CTNNA3: variants seen among roughly 807,000 people sequenced by gnomAD.
CTNNA3 encodes the protein catenin alpha-3.
CTNNA3 carries 76 observed loss-of-function variants against 95.7 expected under a neutral mutation model. That is an observed-to-expected ratio of 0.79 (90% CI 0.66 to 0.96). The LOEUF (loss-of-function observed/expected upper bound fraction) is 0.96. Ranked by LOEUF, CTNNA3 falls within the 40% of genes least tolerant of loss-of-function variation. The probability of loss-of-function intolerance (pLI) is 0.00; values close to 1 mark genes in which losing one functional copy is unlikely to be tolerated. For synonymous variants in CTNNA3, 431 were observed against 374.4 expected, an observed-to-expected ratio of 1.15 and a Z score of -1.74; for missense variants, 1,191 against 1,089.8, an observed-to-expected ratio of 1.09 and a Z score of -1.31.
chr10:66,954,026 A>G (rs1848671313), intron 7 of CTNNA3, among the ~76,000 whole-genome samples: 1 of 152,206 alleles, frequency 6.6e-6, no homozygotes, highest in South Asian at 2.1e-4. Context: ...AGTGCTCGCA[A>G]ATACTAGCTG....
intron 9 of CTNNA3, among the ~76,000 whole-genome samples, chr10:66,662,106 C>A (rs947336009): frequency 6.6e-6 from 1 of 152,130 alleles, no homozygotes; most frequent in Non-Finnish European, 1.5e-5. Flanking sequence ...TGCTTAAAAA[C>A]GAATTGTTGT....
At chr10:67,036,429 G>C (rs954021930) in intron 7 of CTNNA3, among the ~76,000 whole-genome samples, 4 of 152,142 alleles carry the variant, frequency 2.6e-5, no homozygotes, top group Admixed American at 2.0e-4. Context: ...ACTTTGGAAG[G>C]CTGAGGCGGG....
At chr10:67,166,291 A>G (rs1195175533) in intron 7 of CTNNA3, among the ~76,000 whole-genome samples, 1 of 152,238 alleles carries the variant, frequency 6.6e-6, no homozygotes, top group Non-Finnish European at 1.5e-5. Context: ...TCATTATAAC[A>G]TAAATGCACT....
At chr10:65,977,348 G>A (rs1388900475) in intron 16 of CTNNA3, among the ~76,000 whole-genome samples, 1 of 152,040 alleles carries the variant, frequency 6.6e-6, no homozygotes, top group Non-Finnish European at 1.5e-5. Flanking sequence ...TAGTAATGAG[G>A]AAAAATGTAA....
chr10:66,767,905 T>C (rs1172463166), intron 8 of CTNNA3, among the ~76,000 whole-genome samples: 1 of 152,238 alleles, frequency 6.6e-6, no homozygotes, highest in Non-Finnish European at 1.5e-5. Context: ...AGGATTCTGC[T>C]TAGTATGCAG....
At chr10:67,068,389 G>A (rs980392266) in intron 7 of CTNNA3, among the ~76,000 whole-genome samples, 5 of 152,188 alleles carry the variant, frequency 3.3e-5, no homozygotes, top group Non-Finnish European at 5.9e-5. Flanking sequence ...CATGTGTTAC[G>A]TTGGGGGACA....
At chr10:66,588,937 C>T (rs968646717) in intron 10 of CTNNA3, among the ~76,000 whole-genome samples, 2 of 133,400 alleles carry the variant, frequency 1.5e-5, no homozygotes, top group Non-Finnish European at 3.1e-5. Flanking sequence ...AAGCCAACAT[C>T]AGTTAAAGTG....
Position 65,914,926 on chromosome 10 carries a change from T to G in CTNNA3, c.*5404A>C, listed in dbSNP as rs2076987792. 1 of 152,198 alleles carries G rather than the reference T, an allele frequency of 6.6e-6. No homozygotes were observed. The highest frequency in any genetic ancestry group is 1.5e-5 in the Non-Finnish European group (1 of 68,042). The allele number at this position is 152,198 out of a possible 1,614,324, so 9.4% of individuals were successfully genotyped here. On this transcript the variant is annotated 3_prime_UTR_variant, in exon 18 of 18. Transcript: ENST00000433211. ...TAATATTTTAAAGCCAGTGAGACTT[T>G]GAGCAAGATTCTTATCCCATTTAAC...
At chr10:66,800,767 C>T (rs1841398615) in intron 7 of CTNNA3, among the ~76,000 whole-genome samples, 1 of 151,042 alleles carries the variant, frequency 6.6e-6, no homozygotes, top group Non-Finnish European at 1.5e-5. Flanking sequence ...AACTTTAATC[C>T]TACGTAGATT....
chr10:66,396,920 T>C (rs1006167342), intron 11 of CTNNA3, among the ~76,000 whole-genome samples: 1 of 151,822 alleles, frequency 6.6e-6, no homozygotes, highest in East Asian at 1.9e-4. Context: ...TAATAGAATA[T>C]AACAAACCAA....
At chr10:66,518,022 A>T (rs942678842) in intron 11 of CTNNA3, among the ~76,000 whole-genome samples, 3 of 152,110 alleles carry the variant, frequency 2.0e-5, no homozygotes, top group Non-Finnish European at 4.4e-5. Flanking sequence ...AACTGCTCCT[A>T]CCCAAGTCCT....
intron 11 of CTNNA3, among the ~76,000 whole-genome samples, chr10:66,493,903 C>CAAACTACTGTA (rs1840014125): frequency 1.0e-5 from 1 of 98,130 alleles, no homozygotes; most frequent in Admixed American, 1.0e-4. Context: ...CTGCGCCGGC[C>CAAACTACTGTA]TTTTTTTTTT....
At chr10:67,260,851 A>AT (rs1255858530) in intron 5 of CTNNA3, among the ~76,000 whole-genome samples, 1 of 151,750 alleles carries the variant, frequency 6.6e-6, no homozygotes, top group Admixed American at 6.6e-5. Flanking sequence ...CACCCGGCTA[A>AT]TTTTTTTATT....
intron 6 of CTNNA3, among the ~76,000 whole-genome samples, chr10:67,195,868 T>C (rs1239653191): frequency 6.6e-6 from 1 of 152,104 alleles, no homozygotes; most frequent in African/African-American, 2.4e-5. Flanking sequence ...ACATACTCTA[T>C]ATTCTCTGAT....
chr10:67,116,449 C>T (rs1425742456), intron 7 of CTNNA3, among the ~76,000 whole-genome samples: 1 of 151,746 alleles, frequency 6.6e-6, no homozygotes, highest in African/African-American at 2.4e-5. Context: ...AGGTAGGGAG[C>T]CTGGGAACCA....
intron 13 of CTNNA3, among the ~76,000 whole-genome samples, chr10:66,114,069 T>C (rs935068028): frequency 3.9e-5 from 6 of 152,168 alleles, no homozygotes; most frequent in African/African-American, 1.4e-4. Flanking sequence ...TATGTCTGAA[T>C]GTCGGATCAA....
intron 7 of CTNNA3, among the ~76,000 whole-genome samples, chr10:66,938,881 C>G (rs1589453769): frequency 6.6e-6 from 1 of 152,116 alleles, no homozygotes; most frequent in South Asian, 2.1e-4. Flanking sequence ...TTTGTAGAGG[C>G]TAGGTAGTCA....
intron 13 of CTNNA3, among the ~76,000 whole-genome samples, chr10:66,272,672 G>C (rs1336715079): frequency 1.3e-5 from 2 of 152,028 alleles, no homozygotes; most frequent in African/African-American, 4.8e-5. Context: ...ATCCAGTACT[G>C]TCCTGTGCAA....
chr10:67,634,784 T>C (rs549933490), intron 2 of CTNNA3, among the ~76,000 whole-genome samples: 60 of 152,182 alleles, frequency 3.9e-4, no homozygotes, highest in Non-Finnish European at 7.2e-4. Context: ...CTAACTATCC[T>C]ATATACATAC....
Sources: gnomAD v4.1 joint callset for allele counts (sites outside exome capture counted in the v4.1 genomes callset) on GRCh38, gnomAD v4.1.1 for gene constraint, MANE v1.5 for transcripts, NCBI Gene and HGNC (gene_info 2026-07-23, HGNC 2026-07-21) for gene names.